Variants in RBFOX1 observed in about 807,000 individuals in gnomAD.
RBFOX1 encodes the protein RNA binding fox-1 homolog 1.
A neutral mutation model predicts 57.7 loss-of-function variants in RBFOX1; 8 were observed. The observed-to-expected ratio is 0.14, with a 90% confidence interval of 0.08 to 0.25. The LOEUF (loss-of-function observed/expected upper bound fraction) is 0.25. RBFOX1 is among the 10% of genes least tolerant of loss of function. RBFOX1 has a pLI of 1.00. For synonymous variants in RBFOX1, 326 were observed against 222.4 expected (o/e 1.47, Z -4.15); for missense variants, 611 against 548.5 (o/e 1.11, Z -1.14).
chr16:5,682,923 A>T (rs949424907), intron 3 of RBFOX1, among the ~76,000 whole-genome samples: 6 of 152,206 alleles, frequency 3.9e-5, no homozygotes, highest in African/African-American at 1.4e-4. Context: ...CAAAGCTCCC[A>T]GGGTCTAGTG....
chr16:5,508,687 A>G (rs28431313), intron 2 of RBFOX1, among the ~76,000 whole-genome samples: 29,275 of 151,960 alleles, frequency 0.19, 6,287 homozygotes, highest in African/African-American at 0.54. Context: ...AGGACTGCAC[A>G]GAGCGATTGC....
At chr16:7,217,445 G>T (rs898525827) in intron 4 of RBFOX1, among the ~76,000 whole-genome samples, 1 of 151,752 alleles carries the variant, frequency 6.6e-6, no homozygotes, top group South Asian at 2.1e-4. Flanking sequence ...ACTACAGCAG[G>T]ATTTATGAGC....
intron 3 of RBFOX1, among the ~76,000 whole-genome samples, chr16:5,666,434 T>A (rs373013223): frequency 6.6e-6 from 1 of 152,196 alleles, no homozygotes; most frequent in Admixed American, 6.5e-5. Flanking sequence ...CTGAATTCCA[T>A]TGAATTCACT....
intron 3 of RBFOX1, among the ~76,000 whole-genome samples, chr16:5,692,392 A>C (rs2050716270): frequency 6.6e-6 from 1 of 152,118 alleles, no homozygotes; most frequent in Non-Finnish European, 1.5e-5. Flanking sequence ...GACCTCAGTC[A>C]CACAGCTGCA....
Position 6,662,127 on chromosome 16 carries a change from G to GC in RBFOX1, c.-16+7477_-16+7478insC, listed in dbSNP as rs1193647499. On this transcript the variant is annotated intron_variant, in intron 3 of 15. Transcript: ENST00000550418. The stretch of plus-strand genomic sequence containing the variant: ...AGTAGGATGGTGGTTGCCGAGGGCT[G>GC]GGGGCGGGGTGAAAAAAAAGGGAGG... Among the ~76,000 whole-genome samples the GC allele has an allele frequency of 1.9e-3, 132 of 69,862 alleles. 1 individual carries two copies. Among genetic ancestry groups the GC allele is most frequent in the African/African-American group, 5.9e-3 (124 of 21,060 alleles). 45.8% of individuals were successfully genotyped at this position (69,862 alleles called of 152,430 possible).
chr16:7,242,030 C>T (rs1404059105), intron 4 of RBFOX1, among the ~76,000 whole-genome samples: 1 of 152,028 alleles, frequency 6.6e-6, no homozygotes, highest in Admixed American at 6.6e-5. Flanking sequence ...TGCAGTGTCC[C>T]TGACCACTAG....
chr16:6,894,889 A>G (rs964718438), intron 3 of RBFOX1, among the ~76,000 whole-genome samples: 5 of 152,198 alleles, frequency 3.3e-5, no homozygotes, highest in African/African-American at 1.2e-4. Context: ...TTTCATAAGT[A>G]GCATGTGGCT....
At chr16:7,559,108 G>A (rs1198506164) in intron 5 of RBFOX1, among the ~76,000 whole-genome samples, 1 of 152,208 alleles carries the variant, frequency 6.6e-6, no homozygotes, top group Non-Finnish European at 1.5e-5. Context: ...GGCCTTTCCT[G>A]AAAGGTTTAG....
intron 1 of RBFOX1, among the ~76,000 whole-genome samples, chr16:5,457,830 G>T (rs1311907626): frequency 2.6e-5 from 4 of 152,190 alleles, no homozygotes; most frequent in African/African-American, 7.2e-5. Context: ...TGAGCTCTGT[G>T]AGAGTAGGGT....
At chr16:7,572,182 C>T (rs1251467378) in intron 5 of RBFOX1, among the ~76,000 whole-genome samples, 1 of 152,044 alleles carries the variant, frequency 6.6e-6, no homozygotes, top group South Asian at 2.1e-4. Context: ...AATTATGTCC[C>T]CTCTTTATAC....
In RBFOX1 at chr16:6,696,894, A is replaced by G. The variant is rs141954362; in HGVS notation, c.-16+42244A>G. 2.1e-3 allele frequency among the ~76,000 whole-genome samples: 316 copies of G among 152,336 alleles called. 1 individual carries two copies. Among genetic ancestry groups the G allele is most frequent in the African/African-American group, 7.1e-3 (297 of 41,586 alleles). On this transcript the variant is annotated intron_variant, in intron 3 of 15. Coordinates refer to ENST00000550418, the MANE Select transcript of RBFOX1 (RefSeq NM_018723.4). The stretch of plus-strand genomic sequence containing the variant: ...TCTTACTAAAGCACATGTTTAAGAA[A>G]TGGAGATTGCTGTCTTGCAAAACCC...
chr16:7,153,148 C>T (rs1463517237), intron 4 of RBFOX1, among the ~76,000 whole-genome samples: 2 of 152,006 alleles, frequency 1.3e-5, no homozygotes, highest in East Asian at 3.9e-4. Flanking sequence ...GAATATCCTC[C>T]TTTCCTCCTG....
intron 5 of RBFOX1, among the ~76,000 whole-genome samples, chr16:7,573,798 A>G (rs765137447): frequency 2.0e-5 from 3 of 151,774 alleles, no homozygotes; most frequent in Non-Finnish European, 4.4e-5. Context: ...TTGTGCCACT[A>G]GACTCCAGCC....
At chr16:7,229,757 AGAGGGAGGAAGGGAGAG>A (rs1201415753) in intron 4 of RBFOX1, among the ~76,000 whole-genome samples, 3,789 of 82,848 alleles carry the variant, frequency 0.046, 727 homozygotes, top group East Asian at 0.085. Context: ...GAAGGGAGAG[AGAGGGAGGAAGGGAGAG>A]AGAGGAAGGA....
intron 3 of RBFOX1, among the ~76,000 whole-genome samples, chr16:6,664,085 T>C (rs1309759960): frequency 6.6e-6 from 1 of 152,204 alleles, no homozygotes; most frequent in Non-Finnish European, 1.5e-5. Flanking sequence ...TTTCTTTGTC[T>C]TATAGAGTCT....
At chr16:6,446,836 C>G (rs928936556) in intron 2 of RBFOX1, among the ~76,000 whole-genome samples, 1 of 152,078 alleles carries the variant, frequency 6.6e-6, no homozygotes, top group Non-Finnish European at 1.5e-5. Flanking sequence ...GATTACATTA[C>G]CTTTGCTTGT....
intron 4 of RBFOX1, among the ~76,000 whole-genome samples, chr16:5,913,140 C>G (rs1330224780): frequency 6.6e-6 from 1 of 152,170 alleles, no homozygotes; most frequent in African/African-American, 2.4e-5. Flanking sequence ...AGAAATTCAG[C>G]TTGTGGGTGT....
chr16:5,594,149 A>T (rs2047104846), intron 2 of RBFOX1, among the ~76,000 whole-genome samples: 1 of 152,142 alleles, frequency 6.6e-6, no homozygotes. Flanking sequence ...CCCTCTGTCC[A>T]TTGCTCAGGA....
At chr16:5,536,199 C>A (rs1393388525) in intron 2 of RBFOX1, among the ~76,000 whole-genome samples, 1 of 137,620 alleles carries the variant, frequency 7.3e-6, no homozygotes, top group Non-Finnish European at 1.6e-5. Context: ...CAAAGCTGCT[C>A]TTCAGTGCTT....
Sources: gnomAD v4.1 joint callset for allele counts (sites outside exome capture counted in the v4.1 genomes callset) on GRCh38, gnomAD v4.1.1 for gene constraint, MANE v1.5 for transcripts, NCBI Gene and HGNC (gene_info 2026-07-23, HGNC 2026-07-21) for gene names.